RHCG: variants seen among roughly 807,000 people sequenced by gnomAD.
RHCG encodes the protein ammonium transporter Rh type C.
A neutral mutation model predicts 55.3 loss-of-function variants in RHCG; 39 were observed. The observed-to-expected ratio is 0.70, with a 90% CI of 0.55 to 0.92. RHCG has a LOEUF of 0.92. RHCG is among the 40% of genes least tolerant of loss of function. The pLI, the probability that RHCG is intolerant of heterozygous loss-of-function variation, is 0.00. For missense variants in RHCG, 635 were observed against 627.9 expected (o/e 1.01, Z -0.12); for synonymous variants, 250 against 246.8 (o/e 1.01, Z -0.12).
intron 1 of RHCG, among the ~76,000 whole-genome samples, chr15:89,494,775 G>T (rs1961536401): frequency 2.6e-5 from 4 of 151,898 alleles, no homozygotes; most frequent in Admixed American, 2.0e-4. Context: ...CCCAAAGTAT[G>T]CTGGGATTAC....
At chr15:89,496,293 C>T in intron 1 of RHCG, 68 bp downstream of exon 1, 2 of 1,549,076 alleles carry the variant, frequency 1.3e-6, no homozygotes. Context: ...AGCTCTGGGC[C>T]GAGCCCTTGG....
intron 1 of RHCG, among the ~76,000 whole-genome samples, chr15:89,488,784 G>A (rs1056101364): frequency 6.7e-6 from 1 of 148,522 alleles, no homozygotes; most frequent in African/African-American, 2.5e-5. Flanking sequence ...GGGGGGGGGG[G>A]AGTGCTATAA....
chr15:89,473,766 G>A (rs772479273), intron 9 of RHCG, among the ~76,000 whole-genome samples: 1 of 152,168 alleles, frequency 6.6e-6, no homozygotes, highest in African/African-American at 2.4e-5. Context: ...TCAGGGACTT[G>A]AGCATCCCCG....
At chr15:89,487,633 T>G (rs1241618848) in intron 1 of RHCG, among the ~76,000 whole-genome samples, 1 of 152,190 alleles carries the variant, frequency 6.6e-6, no homozygotes, top group Non-Finnish European at 1.5e-5. Flanking sequence ...GACTTGAATT[T>G]GGACCCCGGT....
intron 2 of RHCG, chr15:89,486,368 G>C: frequency 2.2e-6 from 1 of 456,782 alleles, no homozygotes; most frequent in Non-Finnish European, 4.4e-6. Flanking sequence ...CCCGTGGGCT[G>C]CGGTCTCTCA....
chr15:89,479,716 T>C, intron 4 of RHCG: 1 of 545,098 alleles, frequency 1.8e-6, no homozygotes, highest in East Asian at 3.1e-5. Flanking sequence ...CTGACCCCCA[T>C]TTCTGGGCTA....
At position 89,483,208 on chromosome 15, in the gene RHCG, G is replaced by T; in HGVS notation, c.381C>A (p.Asn127Lys). The T allele has an allele frequency of 6.3e-7, 1 of 1,574,876 alleles. No individual in the cohort carries two copies. The highest frequency in any genetic ancestry group is 8.7e-7 in the Non-Finnish European group (1 of 1,149,202). ...AGACAGAGGCCACGCAGAAGTCAGC[G>T]TTGATGAGGCTGTGGGGAGACAGGC... ...YIVVGVENLI[N>K]ADFCVASVCV... is the part of the protein sequence containing the mutation. Residue 127 changes from asparagine (N) to lysine (K), a missense_variant, in exon 3 of 11, where the codon AAC becomes AAA. By Grantham distance (94) the Asn-to-Lys change is moderately conservative (BLOSUM62 0). Coordinates refer to ENST00000268122, the MANE Select transcript of RHCG (RefSeq NM_016321.3).
chr15:89,493,880 A>AC (rs1188650590), intron 1 of RHCG, among the ~76,000 whole-genome samples: 1 of 151,536 alleles, frequency 6.6e-6, no homozygotes, highest in East Asian at 1.9e-4. Context: ...TCATCACACC[A>AC]CCTCCCTCAC....
rs1273893852 is a variant in RHCG, at chr15:89,477,174, T to C, written c.1145A>G (p.Asn382Ser). The change falls in exon 8 of 11, where the codon AAC becomes AGC. Residue 382 changes from asparagine to serine, a missense_variant. Physicochemically the swap from Asn to Ser is conservative, Grantham distance 46. Transcript: ENST00000268122. This position sits in a 1 kb window ranked among gnomAD's most constrained non-coding sequence, Gnocchi z 4.5. ...LVHSFDFQGF[N>S]GDWTARTQGK... ...CTGTGTTCTTGCGGTCCAGTCCCCG[T>C]TGAAACCTTGAAAGTCAAAGGAATG... 2 of 1,613,700 alleles carry C rather than the reference T, an allele frequency of 1.2e-6. No individual in the cohort carries two copies. Among genetic ancestry groups the C allele is most frequent in the African/African-American group, 1.3e-5 (1 of 74,806 alleles).
At chr15:89,484,965 C>T (rs1596406017) in intron 2 of RHCG, among the ~76,000 whole-genome samples, 1 of 152,026 alleles carries the variant, frequency 6.6e-6, no homozygotes, top group South Asian at 2.1e-4. Flanking sequence ...CAGGGACAGG[C>T]CAGAAGCCAG....
At chr15:89,496,281 C>CGTAT in intron 1 of RHCG, 80 bp downstream of exon 1, 1 of 1,476,314 alleles carries the variant, frequency 6.8e-7, no homozygotes, top group Admixed American at 1.7e-5. Context: ...CCTCCTCTGC[C>CGTAT]CAGCTCTGGG....
In RHCG at chr15:89,479,408, T is replaced by A; in HGVS notation, c.751A>T (p.Ile251Phe). Residue 251 changes from isoleucine (I) to phenylalanine (F), a missense_variant, in exon 5 of 11, where the codon ATC (isoleucine) becomes TTC (phenylalanine). Transcript: ENST00000268122. ...YHGDSQHRAA[I>F]NTYCSLAACV... is the part of the protein sequence containing the mutation. ...GCTGCCAAGGAGCAGTAGGTGTTGATGGCGGCTCGGTGCTGGCTGTCCCCA... is the reference window on the plus strand; with the variant it reads ...GCTGCCAAGGAGCAGTAGGTGTTGAAGGCGGCTCGGTGCTGGCTGTCCCCA... The A allele has an allele frequency of 6.2e-7, 1 of 1,614,172 alleles. No homozygotes were observed. The highest frequency in any genetic ancestry group is 8.5e-7 in the Non-Finnish European group (1 of 1,180,020).
At chr15:89,494,560 T>C (rs1021433596) in intron 1 of RHCG, among the ~76,000 whole-genome samples, 1 of 151,738 alleles carries the variant, frequency 6.6e-6, no homozygotes, top group South Asian at 2.1e-4. Flanking sequence ...TGGGGAGATG[T>C]AAGGACTGTA....
intron 3 of RHCG, among the ~76,000 whole-genome samples, chr15:89,481,838 G>T (rs1265654749): frequency 2.0e-5 from 3 of 151,874 alleles, no homozygotes; most frequent in African/African-American, 7.3e-5. Context: ...TTTTGCTCTT[G>T]TTGCCCAGGC....
intron 5 of RHCG, 101 bp from the exon 6 acceptor site, chr15:89,478,075 C>T (rs1961190805): frequency 6.9e-6 from 10 of 1,454,150 alleles, no homozygotes; most frequent in African/African-American, 1.4e-5. Flanking sequence ...CAGCCTGGCT[C>T]CTGGGAGCCG....
chr15:89,475,363 C>G (rs1388813460), intron 9 of RHCG, among the ~76,000 whole-genome samples: 2 of 152,202 alleles, frequency 1.3e-5, no homozygotes, highest in Non-Finnish European at 2.9e-5. Context: ...CTGCCTCAAC[C>G]TCCTGAGTAG....
Position 89,476,651 on chromosome 15 carries a change from C to T in RHCG, c.1311+104G>A, listed in dbSNP as rs1412192940. 7.6e-6 allele frequency: 7 copies of T among 919,586 alleles called. No homozygotes were observed. In the East Asian group the frequency reaches 1.7e-4, roughly 22 times the overall value. The allele number at this position is 919,586 out of a possible 1,614,324, so 57.0% of individuals were successfully genotyped here. On this transcript the variant is annotated intron_variant, in intron 9 of 10. Coordinates refer to ENST00000268122, the MANE Select transcript of RHCG (RefSeq NM_016321.3). ...GTAGGGTAATGTAGGCTCTGACCCC[C>T]ACCCCCGGCATCTGGGTCCCCAGGC...
chr15:89,488,578 C>T (rs1961415884), intron 1 of RHCG, among the ~76,000 whole-genome samples: 1 of 152,060 alleles, frequency 6.6e-6, no homozygotes, highest in African/African-American at 2.4e-5. Context: ...ACTGCAGAAC[C>T]CAATCTAATC....
intron 9 of RHCG, 94 bp downstream of exon 9, chr15:89,476,661 A>G: frequency 9.7e-7 from 1 of 1,035,946 alleles, no homozygotes; most frequent in Non-Finnish European, 1.5e-6. Flanking sequence ...CACCCCCGGC[A>G]TCTGGGTCCC....
Sources: allele counts gnomAD v4.1 joint callset (sites outside exome capture counted in the v4.1 genomes callset), GRCh38; gene constraint gnomAD v4.1.1; non-coding constraint Gnocchi (gnomAD v3.1); transcripts MANE v1.5; gene names NCBI Gene and HGNC (gene_info 2026-07-23, HGNC 2026-07-21).